SPOCK1: variants seen among roughly 807,000 people sequenced by gnomAD.
SPOCK1 encodes testican-1.
Under a neutral mutation model 55.3 loss-of-function variants are expected in SPOCK1, and 23 were observed. The ratio of observed to expected loss-of-function variants is 0.42; its 90% CI spans 0.30 to 0.59. SPOCK1 has a LOEUF of 0.59. SPOCK1 is among the 20% of genes least tolerant of loss of function. SPOCK1 has a pLI of 0.22. For synonymous variants in SPOCK1, 226 were observed against 221.0 expected, an observed-to-expected ratio of 1.02 and a Z score of -0.20; for missense variants, 499 against 552.5, an observed-to-expected ratio of 0.90 and a Z score of 0.97.
chr5:137,307,835 C>T lies in SPOCK1; in HGVS notation c.187-40780G>A, dbSNP rs566705440. The stretch of plus-strand genomic sequence containing the variant: ...GACTGCCAACATCTGAAGACTAGAA[C>T]GCTGTGCTGCAGGGGCTCAAGTGTC... On this transcript the variant is annotated intron_variant, in intron 2 of 10. Transcript: ENST00000394945. Among the ~76,000 whole-genome samples, 23 of 152,312 alleles carry T rather than the reference C, an allele frequency of 1.5e-4. No homozygotes were observed. The South Asian group carries it at 3.5e-3, about 23-fold the overall frequency.
chr5:137,356,820 T>TAGAGAGAGAGAGAGAGAG (rs1762839412), intron 2 of SPOCK1, among the ~76,000 whole-genome samples: 1 of 23,806 alleles, frequency 4.2e-5, no homozygotes. Context: ...TATATATATA[T>TAGAGAGAGAGAGAGAGAG]ATATATATAT....
chr5:137,297,831 T>C (rs1757517732), intron 2 of SPOCK1, among the ~76,000 whole-genome samples: 1 of 152,080 alleles, frequency 6.6e-6, no homozygotes, highest in Non-Finnish European at 1.5e-5. Flanking sequence ...CACTTAATTT[T>C]AACAGAAGGA....
intron 6 of SPOCK1, among the ~76,000 whole-genome samples, chr5:137,010,798 C>A (rs550579246): frequency 8.5e-5 from 13 of 152,242 alleles, no homozygotes; most frequent in Admixed American, 7.9e-4. Context: ...CTACCACATG[C>A]CGAAATTGGG....
intron 3 of SPOCK1, among the ~76,000 whole-genome samples, chr5:137,196,820 T>C (rs1311352133): frequency 6.6e-6 from 1 of 152,234 alleles, no homozygotes; most frequent in African/African-American, 2.4e-5. Context: ...ATGTGACCAG[T>C]ACTCTTCAGG....
chr5:137,168,191 A>C (rs1395330556), intron 3 of SPOCK1, among the ~76,000 whole-genome samples: 1 of 152,092 alleles, frequency 6.6e-6, no homozygotes, highest in African/African-American at 2.4e-5. Context: ...CTAGACACCT[A>C]TCTCTCACCA....
intron 2 of SPOCK1, among the ~76,000 whole-genome samples, chr5:137,322,507 T>C (rs983734058): frequency 6.6e-6 from 1 of 152,152 alleles, no homozygotes; most frequent in Non-Finnish European, 1.5e-5. Context: ...TGTTAATGGA[T>C]ACACAATACA....
chr5:137,279,250 C>G (rs993131956), intron 2 of SPOCK1, among the ~76,000 whole-genome samples: 3 of 152,180 alleles, frequency 2.0e-5, no homozygotes, highest in African/African-American at 7.2e-5. Context: ...TAACAACTAC[C>G]CTTACCCTCT....
chr5:137,119,520 G>A (rs1222121674), intron 4 of SPOCK1, among the ~76,000 whole-genome samples: 3 of 152,278 alleles, frequency 2.0e-5, no homozygotes, highest in East Asian at 3.9e-4. Context: ...AGACTCCCAC[G>A]AGAGAGATTT....
chr5:137,130,492 C>A (rs868154058), intron 4 of SPOCK1, among the ~76,000 whole-genome samples: 3 of 152,338 alleles, frequency 2.0e-5, no homozygotes, highest in Middle Eastern at 6.8e-3. Flanking sequence ...CTGAGCTAGT[C>A]CTGCTGAAGC....
intron 6 of SPOCK1, among the ~76,000 whole-genome samples, chr5:137,064,711 C>T (rs990507043): frequency 3.3e-5 from 5 of 152,214 alleles, no homozygotes; most frequent in South Asian, 2.1e-4. Context: ...TGAACTGCCA[C>T]CACCTCAGGT....
At chr5:137,091,939 T>C (rs1228917513) in intron 5 of SPOCK1, among the ~76,000 whole-genome samples, 1 of 152,150 alleles carries the variant, frequency 6.6e-6, no homozygotes, top group Non-Finnish European at 1.5e-5. Flanking sequence ...CTCAATTATG[T>C]CAGTTCCTTA....
At chr5:137,069,810 A>G (rs1752577152) in intron 5 of SPOCK1, among the ~76,000 whole-genome samples, 1 of 152,166 alleles carries the variant, frequency 6.6e-6, no homozygotes, top group Admixed American at 6.5e-5. Flanking sequence ...AATTTAGGGG[A>G]ACAAATATAT....
intron 6 of SPOCK1, among the ~76,000 whole-genome samples, chr5:136,994,074 G>C (rs71589345): frequency 6.6e-6 from 1 of 152,164 alleles, no homozygotes; most frequent in African/African-American, 2.4e-5. Context: ...CTCCATATTA[G>C]AGGAGAGGTG....
In SPOCK1 at chr5:137,182,606, C is replaced by T. The variant is rs116262887; in HGVS notation, c.233-41912G>A. On this transcript the variant is annotated intron_variant, in intron 3 of 10. Coordinates refer to ENST00000394945, the MANE Select transcript of SPOCK1 (RefSeq NM_004598.4). Reference sequence around the variant, plus strand: ...TTCGGAGCCCTTGTCTGAGTGACCTCCCTCCTCACACTAAACCTCTGGGTC... The same window carrying T: ...TTCGGAGCCCTTGTCTGAGTGACCTTCCTCCTCACACTAAACCTCTGGGTC... Among the ~76,000 whole-genome samples the T allele has an allele frequency of 3.1e-3, 474 of 152,270 alleles. 2 individuals are homozygous for T. Among genetic ancestry groups the T allele is most frequent in the African/African-American group, 0.011 (460 of 41,566 alleles).
At chr5:137,418,140 T>A (rs1265629824) in intron 2 of SPOCK1, among the ~76,000 whole-genome samples, 1 of 152,222 alleles carries the variant, frequency 6.6e-6, no homozygotes, top group African/African-American at 2.4e-5. Flanking sequence ...GAACTCATCA[T>A]TTTTTATGGC....
intron 6 of SPOCK1, among the ~76,000 whole-genome samples, chr5:137,035,857 A>G (rs1010051476): frequency 6.6e-6 from 1 of 152,176 alleles, no homozygotes; most frequent in African/African-American, 2.4e-5. Flanking sequence ...CAATGCCAAG[A>G]TAGGAGCAGG....
At chr5:137,440,182 A>T (rs1752965192) in intron 2 of SPOCK1, among the ~76,000 whole-genome samples, 2 of 152,164 alleles carry the variant, frequency 1.3e-5, no homozygotes. Context: ...ATAAAAGAAC[A>T]TCTGGAAAGA....
At chr5:137,438,520 G>C (rs2149831306) in intron 2 of SPOCK1, among the ~76,000 whole-genome samples, 1 of 152,272 alleles carries the variant, frequency 6.6e-6, no homozygotes, top group Admixed American at 6.5e-5. Context: ...CCCTGGAAGG[G>C]AATATCTACA....
chr5:137,125,831 G>A (rs1753773594), intron 4 of SPOCK1, among the ~76,000 whole-genome samples: 1 of 152,314 alleles, frequency 6.6e-6, no homozygotes, highest in Middle Eastern at 3.4e-3. Flanking sequence ...GAGGCTGGAC[G>A]AGTCTGAATG....
Sources: allele counts gnomAD v4.1 joint callset (sites outside exome capture counted in the v4.1 genomes callset), GRCh38; gene constraint gnomAD v4.1.1; transcripts MANE v1.5; gene names NCBI Gene and HGNC (gene_info 2026-07-23, HGNC 2026-07-21).